Variants in NFASC observed in about 807,000 individuals in gnomAD.
The protein encoded by NFASC is neurofascin homolog.
Under a neutral mutation model 147.5 loss-of-function variants are expected in NFASC, and 43 were observed. That is an observed-to-expected ratio of 0.29 (90% CI 0.23 to 0.38). The LOEUF (loss-of-function observed/expected upper bound fraction) is 0.38, where lower values mean the gene tolerates loss of function less well. NFASC is among the 10% of genes least tolerant of loss of function. The probability of loss-of-function intolerance (pLI) is 1.00; values close to 1 mark genes in which losing one functional copy is unlikely to be tolerated. For synonymous variants in NFASC, 622 were observed against 665.5 expected, an observed-to-expected ratio of 0.93 and a Z score of 1.01; for missense variants, 1,320 against 1,689.0, an observed-to-expected ratio of 0.78 and a Z score of 3.83.
At chr1:204,919,262 C>T (rs1038134355) in intron 1 of NFASC, among the ~76,000 whole-genome samples, 3 of 151,844 alleles carry the variant, frequency 2.0e-5, no homozygotes, top group African/African-American at 7.3e-5. Flanking sequence ...TGAGCTCAGG[C>T]AATCTGCCTG....
Position 204,979,098 on chromosome 1 carries a change from G to A in NFASC, c.1978+29G>A. On this transcript the variant is annotated intron_variant, in intron 18 of 29. Transcript: ENST00000339876. This position sits in a 1 kb window ranked among gnomAD's most constrained non-coding sequence, Gnocchi z 6.0. Reference sequence around the variant, plus strand: ...GCTCAGGGCCTTGCACCCCAAAGCTGGAAAAGAGGGACGGCAACACCCTTA... The same window carrying A: ...GCTCAGGGCCTTGCACCCCAAAGCTAGAAAAGAGGGACGGCAACACCCTTA... 2 of 1,516,374 alleles carry A rather than the reference G, an allele frequency of 1.3e-6. No individual in the cohort carries two copies. Among genetic ancestry groups the A allele is most frequent in the Non-Finnish European group, 1.8e-6 (2 of 1,116,850 alleles). The allele number at this position is 1,516,374 out of a possible 1,614,324, so 93.9% of individuals were successfully genotyped here.
intron 3 of NFASC, among the ~76,000 whole-genome samples, chr1:204,948,066 C>T (rs1006549510): frequency 5.9e-5 from 9 of 152,238 alleles, no homozygotes; most frequent in Admixed American, 5.9e-4. Flanking sequence ...CGTGCTCCAT[C>T]TCCTGAGGGA....
intron 2 of NFASC, among the ~76,000 whole-genome samples, chr1:204,938,350 C>T (rs1360577979): frequency 6.6e-6 from 1 of 152,252 alleles, no homozygotes; most frequent in Non-Finnish European, 1.5e-5. Context: ...CTCAAACCCA[C>T]TCAGGGGCAG....
At position 204,962,520 on chromosome 1, in the gene NFASC, TGAAGA is replaced by T. The variant is rs373137241; in HGVS notation, c.706+4698_706+4702del. ...ATCTTAAAATAGGTGAGTTCCATAG[TGAAGA>T]GAAAACAGGAAGTCTGGTTCCTATT... On this transcript the variant is annotated intron_variant, in intron 8 of 29. Transcript: ENST00000339876. Among the ~76,000 whole-genome samples, 953 of 152,310 alleles carry T rather than the reference TGAAGA, an allele frequency of 6.3e-3. 9 individuals are homozygous for T. Among genetic ancestry groups the T allele is most frequent in the African/African-American group, 0.022 (896 of 41,562 alleles).
At chr1:204,868,389 CTGCCTAGGA>C (rs1375437661) in intron 1 of NFASC, among the ~76,000 whole-genome samples, 1 of 152,142 alleles carries the variant, frequency 6.6e-6, no homozygotes, top group Non-Finnish European at 1.5e-5. Context: ...CCTGGCTGCC[CTGCCTAGGA>C]TGCCTAGGAC....
At chr1:204,902,188 A>G (rs1227416318) in intron 1 of NFASC, among the ~76,000 whole-genome samples, 2 of 152,148 alleles carry the variant, frequency 1.3e-5, no homozygotes, top group Non-Finnish European at 2.9e-5. Flanking sequence ...ACAGCTATTC[A>G]GTAGGCTGAG....
At chr1:204,878,724 A>G (rs1257891483) in intron 1 of NFASC, among the ~76,000 whole-genome samples, 1 of 152,172 alleles carries the variant, frequency 6.6e-6, no homozygotes, top group Non-Finnish European at 1.5e-5. Context: ...GATCCTCCCA[A>G]TTCATGTGGT....
chr1:204,963,446 C>G (rs1573819483), intron 8 of NFASC, among the ~76,000 whole-genome samples: 1 of 152,218 alleles, frequency 6.6e-6, no homozygotes, highest in East Asian at 1.9e-4. Context: ...TAGAGACCAT[C>G]TGGTCTAAGT....
intron 27 of NFASC, among the ~76,000 whole-genome samples, chr1:205,003,101 A>G (rs1481501362): frequency 6.6e-6 from 1 of 152,168 alleles, no homozygotes; most frequent in African/African-American, 2.4e-5. Context: ...AGAGTAGTGC[A>G]GCCTGGCCTG....
chr1:204,858,374 A>C (rs2076353871), intron 1 of NFASC, among the ~76,000 whole-genome samples: 1 of 152,122 alleles, frequency 6.6e-6, no homozygotes, highest in Admixed American at 6.5e-5. Context: ...AAATGTGCAT[A>C]ATAATAAGGG....
At chr1:204,879,299 T>C (rs1486099608) in intron 1 of NFASC, among the ~76,000 whole-genome samples, 1 of 150,472 alleles carries the variant, frequency 6.6e-6, no homozygotes, top group Non-Finnish European at 1.5e-5. Flanking sequence ...GCCGACGTAC[T>C]TTATGGAAAT....
intron 1 of NFASC, among the ~76,000 whole-genome samples, chr1:204,871,675 A>G (rs764285765): frequency 1.3e-5 from 2 of 152,172 alleles, no homozygotes; most frequent in Non-Finnish European, 2.9e-5. Flanking sequence ...AAGTGAGAAT[A>G]GTCCCTTTTG....
At chr1:204,951,508 G>A (rs1365412181) in intron 4 of NFASC, among the ~76,000 whole-genome samples, 1 of 141,094 alleles carries the variant, frequency 7.1e-6, no homozygotes, top group East Asian at 2.1e-4. Context: ...TCGCTCTGTC[G>A]CCCAGGCTGG....
intron 2 of NFASC, among the ~76,000 whole-genome samples, chr1:204,937,317 C>G (rs1401852343): frequency 6.6e-6 from 1 of 152,186 alleles, no homozygotes; most frequent in Non-Finnish European, 1.5e-5. Context: ...TTATGACCCA[C>G]AGTCCACAGT....
At chr1:204,839,366 GAAACAC>G (rs1327351718) in intron 1 of NFASC, among the ~76,000 whole-genome samples, 1 of 126,540 alleles carries the variant, frequency 7.9e-6, no homozygotes, top group Admixed American at 8.5e-5. Flanking sequence ...AGGCACGTAT[GAAACAC>G]ACACACACAC....
At chr1:204,938,921 A>G (rs1348400854) in intron 2 of NFASC, among the ~76,000 whole-genome samples, 2 of 152,160 alleles carry the variant, frequency 1.3e-5, no homozygotes, top group African/African-American at 2.4e-5. Flanking sequence ...CTGTGTGGGA[A>G]TGTTGTCAGT....
chr1:204,997,670 A>G (rs2095876342), intron 25 of NFASC: 1 of 566,616 alleles, frequency 1.8e-6, no homozygotes, highest in Non-Finnish European at 3.2e-6. Flanking sequence ...TTCTAGCTTC[A>G]GATCCCTGTT....
chr1:204,893,700 A>G (rs952364566), intron 1 of NFASC, among the ~76,000 whole-genome samples: 2 of 152,196 alleles, frequency 1.3e-5, no homozygotes, highest in South Asian at 4.1e-4. Flanking sequence ...GCTGCACTGT[A>G]TTGCGCTAAC....
At chr1:204,882,876 A>C (rs896118325) in intron 1 of NFASC, among the ~76,000 whole-genome samples, 1 of 152,152 alleles carries the variant, frequency 6.6e-6, no homozygotes, top group Non-Finnish European at 1.5e-5. Context: ...TTCTTAGGAT[A>C]GTGTCTCTCA....
Sources: allele counts gnomAD v4.1 joint callset (sites outside exome capture counted in the v4.1 genomes callset), GRCh38; gene constraint gnomAD v4.1.1; non-coding constraint Gnocchi (gnomAD v3.1); transcripts MANE v1.5; gene names NCBI Gene and HGNC (gene_info 2026-07-23, HGNC 2026-07-21).